The following PARD3B variants were observed in gnomAD, a reference collection of about 807,000 sequenced individuals.
PARD3B encodes partitioning defective 3 homolog B.
A neutral mutation model predicts 130.2 loss-of-function variants in PARD3B; 103 were observed. The ratio of observed to expected loss-of-function variants is 0.79; its 90% confidence interval spans 0.67 to 0.93. The LOEUF (loss-of-function observed/expected upper bound fraction) is 0.93, where lower values mean the gene tolerates loss of function less well. Ranked by LOEUF, PARD3B falls within the 40% of genes least tolerant of loss-of-function variation. The pLI is 0.00. For synonymous variants in PARD3B, 583 were observed against 553.2 expected, an observed-to-expected ratio of 1.05 and a Z score of -0.76; for missense variants, 1,609 against 1,499.2, an observed-to-expected ratio of 1.07 and a Z score of -1.21.
At chr2:204,636,428 G>C (rs1412829201) in intron 1 of PARD3B, among the ~76,000 whole-genome samples, 1 of 150,970 alleles carries the variant, frequency 6.6e-6, no homozygotes, top group African/African-American at 2.4e-5. Flanking sequence ...AGGCCTTTCT[G>C]AGCTAAGACT....
At chr2:204,902,624 G>C (rs192236867) in intron 2 of PARD3B, among the ~76,000 whole-genome samples, 7 of 141,440 alleles carry the variant, frequency 4.9e-5, no homozygotes, top group Non-Finnish European at 7.5e-5. Flanking sequence ...AGCCGAGATC[G>C]CGCCACTGCA....
At chr2:205,138,094 C>A (rs1466105204) in intron 10 of PARD3B, among the ~76,000 whole-genome samples, 3 of 152,156 alleles carry the variant, frequency 2.0e-5, no homozygotes, top group Admixed American at 1.3e-4. Context: ...ATGGAAGATT[C>A]AAGTTATCAG....
intron 22 of PARD3B, among the ~76,000 whole-genome samples, chr2:205,596,447 G>T (rs539666301): frequency 6.6e-6 from 1 of 152,202 alleles, no homozygotes; most frequent in Non-Finnish European, 1.5e-5. Context: ...TGGGAGGGCT[G>T]TGGGGGGCCA....
rs1341108554 is a variant in PARD3B, at chr2:205,438,658, G to A, written c.2742-1712G>A. Among the ~76,000 whole-genome samples, 11 of 151,814 alleles carry A rather than the reference G, an allele frequency of 7.2e-5. No individual in the cohort carries two copies. The East Asian group carries it at 2.0e-3, about 27-fold the overall frequency. ...CTTTATCAAAAATTACTTAAAACAA[G>A]CATCCATGAATCTAGGACTAACAGG... On this transcript the variant is annotated intron_variant, in intron 19 of 22. Transcript: ENST00000406610.
intron 2 of PARD3B, among the ~76,000 whole-genome samples, chr2:204,701,971 A>G (rs1172069409): frequency 1.3e-5 from 2 of 152,102 alleles, no homozygotes; most frequent in Non-Finnish European, 2.9e-5. Context: ...TTTAGCTCCC[A>G]CTTACAAGTG....
chr2:204,654,515 CT>C (rs528448174), intron 1 of PARD3B, among the ~76,000 whole-genome samples: 366 of 145,154 alleles, frequency 2.5e-3, no homozygotes, highest in Non-Finnish European at 4.7e-3. Flanking sequence ...GCCATTTTAG[CT>C]GATTTGAGGA....
chr2:205,600,089 T>C (rs751430479), intron 22 of PARD3B, among the ~76,000 whole-genome samples: 2 of 152,242 alleles, frequency 1.3e-5, no homozygotes, highest in Non-Finnish European at 2.9e-5. Context: ...CAACTTTTCC[T>C]GCCTGTCTTT....
At chr2:204,804,028 A>C (rs1252196737) in intron 2 of PARD3B, among the ~76,000 whole-genome samples, 1 of 152,166 alleles carries the variant, frequency 6.6e-6, no homozygotes, top group South Asian at 2.1e-4. Context: ...AGTCTGGGCA[A>C]CATGGCAAAA....
chr2:204,623,923 G>A lies in PARD3B; in HGVS notation c.121-62258G>A, dbSNP rs945723381. Among the ~76,000 whole-genome samples the A allele has an allele frequency of 2.0e-5, 3 of 152,084 alleles. No homozygotes were observed. The highest frequency in any genetic ancestry group is 2.9e-5 in the Non-Finnish European group (2 of 67,992). Reference sequence around the variant, plus strand: ...TTGCAGCATTTGTCCTCTTGTAACTGGCTTATTTTGCATACCATAATGTCT... The same window carrying A: ...TTGCAGCATTTGTCCTCTTGTAACTAGCTTATTTTGCATACCATAATGTCT... On this transcript the variant is annotated intron_variant, in intron 1 of 22. Coordinates refer to ENST00000406610, the MANE Select transcript of PARD3B (RefSeq NM_001302769.2). The surrounding 1 kb of genome is among the most constrained non-coding windows in gnomAD (Gnocchi z 4.5).
chr2:204,838,207 G>T (rs2125582305), intron 2 of PARD3B, among the ~76,000 whole-genome samples: 1 of 152,158 alleles, frequency 6.6e-6, no homozygotes, highest in Non-Finnish European at 1.5e-5. Flanking sequence ...TTTTGAGAAG[G>T]AGTCTCACTC....
intron 2 of PARD3B, among the ~76,000 whole-genome samples, chr2:204,898,411 A>AT (rs1335705276): frequency 2.0e-5 from 3 of 151,936 alleles, no homozygotes; most frequent in African/African-American, 7.3e-5. Flanking sequence ...ATGTACTTAT[A>AT]TTTTTGTACC....
chr2:205,237,087 C>CTTTGTTTGTTTG (rs542158879), intron 15 of PARD3B, among the ~76,000 whole-genome samples: 3 of 151,836 alleles, frequency 2.0e-5, no homozygotes, highest in Admixed American at 6.6e-5. Flanking sequence ...TGCTTAAACC[C>CTTTGTTTGTTTG]TTTGTTTGTT....
chr2:204,570,640 G>A (rs984577339), intron 1 of PARD3B, among the ~76,000 whole-genome samples: 5 of 152,194 alleles, frequency 3.3e-5, no homozygotes, highest in Non-Finnish European at 7.3e-5. Flanking sequence ...GATTGACCAG[G>A]GGCAGAGTTT....
chr2:204,764,642 G>C (rs773299618), intron 2 of PARD3B, among the ~76,000 whole-genome samples: 5 of 151,628 alleles, frequency 3.3e-5, no homozygotes, highest in Non-Finnish European at 7.4e-5. Context: ...CTGGATGTTA[G>C]TACTGAATTT....
intron 18 of PARD3B, among the ~76,000 whole-genome samples, chr2:205,363,665 T>C (rs1323557054): frequency 6.6e-6 from 1 of 151,724 alleles, no homozygotes; most frequent in African/African-American, 2.4e-5. Context: ...TTGTTTTGTT[T>C]TGTTTTCTTT....
chr2:205,294,864 G>A (rs757352146), intron 16 of PARD3B, among the ~76,000 whole-genome samples: 1 of 152,158 alleles, frequency 6.6e-6, no homozygotes, highest in Non-Finnish European at 1.5e-5. Context: ...TAATGAATAG[G>A]AAACAGGGCA....
intron 2 of PARD3B, among the ~76,000 whole-genome samples, chr2:204,766,945 G>A (rs994974990): frequency 2.7e-5 from 3 of 110,708 alleles, no homozygotes; most frequent in Non-Finnish European, 5.9e-5. Flanking sequence ...GCTCTCTGCT[G>A]TTTCTTGTAT....
rs568149431 is a variant in PARD3B at position 205,407,055 on chromosome 2, C to G, written c.2741+5932C>G. ...TCCAGTATGAGAAATATCTAAATAT[C>G]TTAAGTATGGAAGCATTTACTTTTA... On this transcript the variant is annotated intron_variant, in intron 19 of 22. Transcript: ENST00000406610. This position sits in a 1 kb window ranked among gnomAD's most constrained non-coding sequence, Gnocchi z 4.1. 1.3e-5 allele frequency among the ~76,000 whole-genome samples: 2 copies of G among 152,250 alleles called. No individual in the cohort carries two copies. The highest frequency in any genetic ancestry group is 4.1e-4 in the South Asian group (2 of 4,824).
intron 15 of PARD3B, among the ~76,000 whole-genome samples, chr2:205,204,491 T>C (rs1472135818): frequency 6.6e-6 from 1 of 152,232 alleles, no homozygotes; most frequent in East Asian, 1.9e-4. Context: ...TTGTTGCCAT[T>C]GCTTTTGGTG....
Sources: allele counts gnomAD v4.1 joint callset (sites outside exome capture counted in the v4.1 genomes callset), GRCh38; gene constraint gnomAD v4.1.1; non-coding constraint Gnocchi (gnomAD v3.1); transcripts MANE v1.5; gene names NCBI Gene and HGNC (gene_info 2026-07-23, HGNC 2026-07-21).